The following GALNT9 variants were observed in gnomAD, a reference collection of about 807,000 sequenced individuals.
The protein encoded by GALNT9 is GalNAc transferase 9.
In GALNT9, 47 loss-of-function variants were observed where a neutral mutation model predicts 63.1. That is an observed-to-expected ratio of 0.75 (90% CI 0.59 to 0.95). The LOEUF (loss-of-function observed/expected upper bound fraction) is 0.95, where lower values mean the gene tolerates loss of function less well. Among genes scored for constraint, GALNT9 ranks in the 40% least tolerant of loss-of-function variants. GALNT9 has a pLI of 0.00. For missense variants in GALNT9, 829 were observed against 874.8 expected, an observed-to-expected ratio of 0.95 and a Z score of 0.66; for synonymous variants, 396 against 365.7, an observed-to-expected ratio of 1.08 and a Z score of -0.94.
At chr12:132,272,152 C>T (rs1023272931) in intron 2 of GALNT9, among the ~76,000 whole-genome samples, 6 of 152,314 alleles carry the variant, frequency 3.9e-5, no homozygotes, top group African/African-American at 1.4e-4. Context: ...CGGCGGGGAC[C>T]CCTCTGTGGG....
intron 6 of GALNT9, among the ~76,000 whole-genome samples, chr12:132,217,252 CCCAT>C (rs995007277): frequency 2.7e-5 from 4 of 148,056 alleles, no homozygotes; most frequent in African/African-American, 1.0e-4. Context: ...ATCCCACCCA[CCCAT>C]CCATCCATTC....
At chr12:132,231,004 C>T (rs943537105) in intron 6 of GALNT9, among the ~76,000 whole-genome samples, 2 of 144,514 alleles carry the variant, frequency 1.4e-5, no homozygotes, top group Admixed American at 6.9e-5. Flanking sequence ...GAGGAGACAG[C>T]GTGGAGTCCC....
At chr12:132,305,625 GCACACCCTCACCCGGA>G (rs1881577622) in intron 1 of GALNT9, among the ~76,000 whole-genome samples, 2 of 143,608 alleles carry the variant, frequency 1.4e-5, no homozygotes, top group Non-Finnish European at 3.1e-5. Flanking sequence ...CCTCACCCGG[GCACACCCTCACCCGGA>G]CACGCCCTCG....
intron 6 of GALNT9, chr12:132,240,624 T>C (rs1287506195): frequency 4.4e-6 from 2 of 454,588 alleles, no homozygotes; most frequent in East Asian, 1.4e-4. Flanking sequence ...GGCTCGGCTG[T>C]GCTCTATGGG....
chr12:132,293,797 G>A (rs1225943497), intron 1 of GALNT9, among the ~76,000 whole-genome samples: 1 of 144,898 alleles, frequency 6.9e-6, no homozygotes, highest in Non-Finnish European at 1.6e-5. Flanking sequence ...GAAGCCGGGG[G>A]GTCCCGTATA....
intron 8 of GALNT9, chr12:132,200,915 G>T (rs903426999): frequency 1.7e-6 from 1 of 571,512 alleles, no homozygotes; most frequent in South Asian, 2.1e-5. Flanking sequence ...CCTTGTGTGT[G>T]CACGTGGATG....
intron 2 of GALNT9, among the ~76,000 whole-genome samples, chr12:132,269,411 G>C (rs1022535205): frequency 1.3e-5 from 2 of 152,232 alleles, no homozygotes; most frequent in Admixed American, 1.3e-4. Context: ...GGGGCAGGAG[G>C]TCAGCAGCGT....
At chr12:132,268,143 A>C (rs1407477907) in intron 2 of GALNT9, among the ~76,000 whole-genome samples, 1 of 149,464 alleles carries the variant, frequency 6.7e-6, no homozygotes, top group Non-Finnish European at 1.5e-5. Context: ...ACGCTCACAC[A>C]CACGCAATCT....
rs2135533235 is a variant in GALNT9, at chr12:132,245,450, G to A, written c.1077+2460C>T. ...GAGTAAGACTCTGTCTTAAAAAAAAGAAAGGCCCATGTGTCATGGAGACGG... is the reference window on the plus strand; with the variant it reads ...GAGTAAGACTCTGTCTTAAAAAAAAAAAAGGCCCATGTGTCATGGAGACGG... On this transcript the variant is annotated intron_variant, in intron 6 of 10. Transcript: ENST00000328957. This position sits in a 1 kb window ranked among gnomAD's most constrained non-coding sequence, Gnocchi z 6.3. Among the ~76,000 whole-genome samples, 1 of 152,140 alleles carries A rather than the reference G, an allele frequency of 6.6e-6. No individual in the cohort carries two copies. The highest frequency in any genetic ancestry group is 2.4e-5 in the African/African-American group (1 of 41,504).
rs759924077 is a variant in GALNT9, at chr12:132,197,261, G to T, written c.1666-8C>A. On this transcript the variant is annotated splice_region_variant and splice_polypyrimidine_tract_variant and intron_variant, in intron 10 of 10. Transcript: ENST00000328957. The stretch of plus-strand genomic sequence containing the variant: ...GCTCACAATGGGGCCACTCTGTGGG[G>T]ACAGGCACATCAAGTCAGCCAGGTG... The T allele has an allele frequency of 3.1e-6, 5 of 1,610,322 alleles. No homozygotes were observed. The highest frequency in any genetic ancestry group is 1.7e-5 in the Admixed American group (1 of 59,926).
At chr12:132,198,043 G>A (rs1748678130) in intron 9 of GALNT9, 84 bp from the exon 10 acceptor site, 16 of 1,195,528 alleles carry the variant, frequency 1.3e-5, no homozygotes, top group Non-Finnish European at 1.8e-5. Context: ...GAGCTGCCTT[G>A]AGCTGCAAAC....
At position 132,313,364 on chromosome 12, in the gene GALNT9, C is replaced by T. The variant is rs180828992; in HGVS notation, c.238+15602G>A. Among the ~76,000 whole-genome samples, 400 of 147,818 alleles carry T rather than the reference C, an allele frequency of 2.7e-3. 3 individuals carry two copies. The highest frequency in any genetic ancestry group is 9.7e-3 in the African/African-American group (386 of 39,978). ...ACCCATCCATCTCTCCACCCACCCA[C>T]TAATCCACCCATCCACTCACTCACT... is the stretch of plus-strand genomic sequence containing the variant. On this transcript the variant is annotated intron_variant, in intron 1 of 10. Coordinates refer to ENST00000328957, the MANE Select transcript of GALNT9 (RefSeq NM_001122636.2).
At chr12:132,304,782 C>G (rs374718598) in intron 1 of GALNT9, among the ~76,000 whole-genome samples, 54 of 32,820 alleles carry the variant, frequency 1.6e-3, no homozygotes, top group Non-Finnish European at 1.6e-3. Context: ...CCCGGGCACA[C>G]CCTCGCCCAG....
intron 6 of GALNT9, among the ~76,000 whole-genome samples, chr12:132,240,932 C>A (rs1555236985): frequency 1.4e-5 from 2 of 142,500 alleles, no homozygotes; most frequent in Non-Finnish European, 3.1e-5. Context: ...CCCCATTACA[C>A]ACACGCCACA....
At chr12:132,227,854 G>A (rs1281446826) in intron 6 of GALNT9, among the ~76,000 whole-genome samples, 13 of 152,076 alleles carry the variant, frequency 8.5e-5, no homozygotes, top group Admixed American at 6.5e-4. Flanking sequence ...GCTCAGCGGG[G>A]CTTCCCCACA....
rs144553459 is a variant in GALNT9, at chr12:132,288,316, T to C, written c.239-1886A>G. ...CCATTTTAAATGAGTAAACAAAGTG[T>C]CCGTATTTATGTAGGACTGAAGGAT... On this transcript the variant is annotated intron_variant, in intron 1 of 10. Transcript: ENST00000328957. 9.5e-3 allele frequency among the ~76,000 whole-genome samples: 1,448 copies of C among 152,378 alleles called. 21 individuals are homozygous for C. Among genetic ancestry groups the C allele is most frequent in the African/African-American group, 0.031 (1,292 of 41,600 alleles).
chr12:132,261,061 A>T lies in GALNT9; in HGVS notation c.648T>A (p.Ile216=). 3 of 1,551,498 alleles carry T rather than the reference A, an allele frequency of 1.9e-6. No individual in the cohort carries two copies. Among genetic ancestry groups the T allele is most frequent in the Non-Finnish European group, 2.6e-6 (3 of 1,146,958 alleles). Residue 216 remains isoleucine (I), a synonymous_variant, in exon 4 of 11, where the codon ATT becomes ATA. Transcript: ENST00000328957. ...VNKRYPGLVK[I]VRNSRREGLI... is the part of the protein sequence containing the mutation. The stretch of plus-strand genomic sequence containing the variant: ...GTCCTTCCCGCCGGCTGTTGCGGAC[A>T]ATCTTCACGAGGCCTGGGTACCGCT...
intron 1 of GALNT9, among the ~76,000 whole-genome samples, chr12:132,309,297 G>A (rs1265902449): frequency 6.6e-6 from 1 of 152,086 alleles, no homozygotes; most frequent in Admixed American, 6.5e-5. Context: ...GGACACCCAC[G>A]GCTGACTGGC....
chr12:132,202,136 A>G (rs1253023867), intron 7 of GALNT9, among the ~76,000 whole-genome samples: 1 of 152,144 alleles, frequency 6.6e-6, no homozygotes, highest in Non-Finnish European at 1.5e-5. Context: ...CCAGAAACTC[A>G]TTGTTGCTCT....
Sources: allele counts gnomAD v4.1 joint callset (sites outside exome capture counted in the v4.1 genomes callset), GRCh38; gene constraint gnomAD v4.1.1; non-coding constraint Gnocchi (gnomAD v3.1); transcripts MANE v1.5; gene names NCBI Gene and HGNC (gene_info 2026-07-23, HGNC 2026-07-21).